Variants in PALS2 observed in about 807,000 individuals in gnomAD.
PALS2 encodes protein associated with LIN7 2, MAGUK p55 family member, also known as protein PALS2.
Under a neutral mutation model 61.6 loss-of-function variants are expected in PALS2, and 27 were observed. That is an observed-to-expected ratio of 0.44 (90% CI 0.32 to 0.60). PALS2 has a LOEUF of 0.60. Among genes scored for constraint, PALS2 ranks in the 20% least tolerant of loss-of-function variants. PALS2 has a pLI of 0.05. For synonymous variants in PALS2, 236 were observed against 218.6 expected, an observed-to-expected ratio of 1.08 and a Z score of -0.70; for missense variants, 554 against 639.4, an observed-to-expected ratio of 0.87 and a Z score of 1.44.
At chr7:24,630,156 G>T (rs1486769985) in intron 2 of PALS2, among the ~76,000 whole-genome samples, 1 of 152,172 alleles carries the variant, frequency 6.6e-6, no homozygotes, top group Non-Finnish European at 1.5e-5. Flanking sequence ...CATAAAAAAT[G>T]ATGAGTTCAC....
chr7:24,676,122 T>G (rs1423412389), intron 9 of PALS2, among the ~76,000 whole-genome samples: 6 of 151,800 alleles, frequency 4.0e-5, no homozygotes, highest in East Asian at 1.9e-4. Flanking sequence ...TGGTTTTGAT[T>G]TGCATTTCTC....
chr7:24,620,328 G>A (rs1439255971), intron 1 of PALS2: 2 of 151,972 alleles, frequency 1.3e-5, no homozygotes, highest in Non-Finnish European at 2.9e-5. Flanking sequence ...ATGCTTTTAG[G>A]ATAATATAGT....
intron 5 of PALS2, among the ~76,000 whole-genome samples, chr7:24,651,906 G>A (rs542373195): frequency 1.5e-4 from 23 of 152,218 alleles, no homozygotes; most frequent in Middle Eastern, 3.4e-3. Flanking sequence ...CAAAGGTAAG[G>A]ATAGATTATT....
intron 3 of PALS2, among the ~76,000 whole-genome samples, chr7:24,642,812 G>T (rs960810278): frequency 6.6e-6 from 1 of 152,116 alleles, no homozygotes; most frequent in African/African-American, 2.4e-5. Flanking sequence ...TCCTGTGCAG[G>T]TCCCAGTTGA....
Position 24,573,628 on chromosome 7 carries a change from C to A in PALS2, c.-3+35C>A. On this transcript the variant is annotated intron_variant, in intron 1 of 11. Transcript: ENST00000222644. This position sits in a 1 kb window ranked among gnomAD's most constrained non-coding sequence, Gnocchi z 5.3. ...CTGGACCCCCACGCCGCTCGGGTAA[C>A]GGTCGCGCCGCGCGCCGGGCCGGCC... 1 of 320,374 alleles carries A rather than the reference C, an allele frequency of 3.1e-6. No individual in the cohort carries two copies. The highest frequency in any genetic ancestry group is 5.7e-6 in the Non-Finnish European group (1 of 176,062). The allele number at this position is 320,374 out of a possible 1,614,324, so 19.8% of individuals were successfully genotyped here.
intron 9 of PALS2, among the ~76,000 whole-genome samples, chr7:24,676,958 A>T (rs1236532468): frequency 6.6e-6 from 1 of 151,064 alleles, no homozygotes; most frequent in Non-Finnish European, 1.5e-5. Flanking sequence ...TCTGTAAATT[A>T]CCTTGGGCAG....
intron 1 of PALS2, among the ~76,000 whole-genome samples, chr7:24,589,767 A>G (rs1156252467): frequency 1.3e-5 from 2 of 152,194 alleles, no homozygotes; most frequent in Non-Finnish European, 2.9e-5. Context: ...AGCATGGAAG[A>G]ATGAATGTAC....
chr7:24,643,012 G>C (rs925016466), intron 3 of PALS2, among the ~76,000 whole-genome samples: 9 of 152,146 alleles, frequency 5.9e-5, no homozygotes, highest in African/African-American at 2.2e-4. Context: ...CGTATAGATA[G>C]AAATTTAAAG....
At chr7:24,642,003 G>A in intron 3 of PALS2, 135 bp downstream of exon 3, 1 of 938,798 alleles carries the variant, frequency 1.1e-6, no homozygotes, top group South Asian at 1.6e-5. Context: ...TTCCAACCTT[G>A]GTATTTTAAT....
intron 1 of PALS2, among the ~76,000 whole-genome samples, chr7:24,592,512 C>A (rs1284809108): frequency 6.6e-6 from 1 of 151,888 alleles, no homozygotes. Flanking sequence ...TGATTTTAGC[C>A]AGGGGAGAAA....
At chr7:24,685,377 A>C (rs1788141293) in intron 11 of PALS2, among the ~76,000 whole-genome samples, 1 of 152,220 alleles carries the variant, frequency 6.6e-6, no homozygotes, top group Admixed American at 6.5e-5. Context: ...TCTTAAAACG[A>C]ATCCAGCTTT....
At chr7:24,642,120 A>G (rs568177916) in intron 3 of PALS2, among the ~76,000 whole-genome samples, 1 of 152,184 alleles carries the variant, frequency 6.6e-6, no homozygotes. Context: ...TGTGCCATTA[A>G]AGAAAACAAC....
intron 1 of PALS2, among the ~76,000 whole-genome samples, chr7:24,601,614 A>G (rs1156497733): frequency 6.6e-6 from 1 of 151,780 alleles, no homozygotes; most frequent in Non-Finnish European, 1.5e-5. Flanking sequence ...TGAGAGCAGC[A>G]TGTCTTTTTT....
At chr7:24,633,445 G>A (rs1583910608) in intron 2 of PALS2, among the ~76,000 whole-genome samples, 1 of 127,396 alleles carries the variant, frequency 7.8e-6, no homozygotes, top group Non-Finnish European at 1.6e-5. Context: ...TCTTATGCTT[G>A]CTCCTCTGCA....
At chr7:24,635,448 T>C (rs906255397) in intron 2 of PALS2, among the ~76,000 whole-genome samples, 4 of 152,220 alleles carry the variant, frequency 2.6e-5, no homozygotes, top group African/African-American at 4.8e-5. Flanking sequence ...AAATAGTCTT[T>C]TAGTGAACTC....
intron 8 of PALS2, among the ~76,000 whole-genome samples, chr7:24,667,657 ATT>A (rs11284911): frequency 3.4e-3 from 339 of 98,636 alleles, no homozygotes; most frequent in African/African-American, 0.012. Context: ...GATTAGATAA[ATT>A]TTTTTTTTTT....
At position 24,691,382 on chromosome 7, in the gene PALS2, A is replaced by AT. The variant is rs1323914360; in HGVS notation, c.*3770dup. On this transcript the variant is annotated 3_prime_UTR_variant, in exon 12 of 12. Transcript: ENST00000222644. ...TTTTTAAATGTTCGAGTTGCCATAT[A>AT]TTATGTATGTGTGTGTGTGTGTGTA... is the stretch of plus-strand genomic sequence containing the variant. 6.0e-4 allele frequency: 46 copies of AT among 76,808 alleles called. No homozygotes were observed. The highest frequency in any genetic ancestry group is 3.2e-3 in the African/African-American group (43 of 13,396). The allele number at this position is 76,808 out of a possible 1,614,324, so 4.8% of individuals were successfully genotyped here. A position where few individuals can be genotyped will look rare whatever the true frequency, so the allele number is the denominator to read the frequency against.
chr7:24,667,657 ATTTTTTTTT>A (rs11284911), intron 8 of PALS2, among the ~76,000 whole-genome samples: 8 of 98,658 alleles, frequency 8.1e-5, no homozygotes, highest in Admixed American at 2.5e-4. Context: ...GATTAGATAA[ATTTTTTTTT>A]TTTTTTTTTT....
At chr7:24,650,120 C>T (rs1258276122) in intron 4 of PALS2, among the ~76,000 whole-genome samples, 1 of 152,078 alleles carries the variant, frequency 6.6e-6, no homozygotes, top group Non-Finnish European at 1.5e-5. Context: ...TGAAGCCATA[C>T]TAGGACTCTC....
Sources: gnomAD v4.1 joint callset for allele counts (sites outside exome capture counted in the v4.1 genomes callset) on GRCh38, gnomAD v4.1.1 for gene constraint, Gnocchi (gnomAD v3.1) non-coding constraint, MANE v1.5 for transcripts, NCBI Gene and HGNC (gene_info 2026-07-23, HGNC 2026-07-21) for gene names.